CCDC158: variants seen among roughly 807,000 people sequenced by gnomAD.
CCDC158 encodes coiled-coil domain-containing protein 158.
CCDC158 carries 116 observed loss-of-function variants against 138.6 expected under a neutral mutation model. The ratio of observed to expected loss-of-function variants is 0.84; its 90% CI spans 0.72 to 0.98. The LOEUF (loss-of-function observed/expected upper bound fraction) is 0.98. Ranked by LOEUF, CCDC158 falls within the 50% of genes least tolerant of loss-of-function variation. The probability of loss-of-function intolerance (pLI) is 0.00; values close to 1 mark genes in which losing one functional copy is unlikely to be tolerated. For missense variants in CCDC158, 1,265 were observed against 1,306.1 expected, an observed-to-expected ratio of 0.97 and a Z score of 0.48; for synonymous variants, 436 against 442.4, an observed-to-expected ratio of 0.99 and a Z score of 0.18.
chr4:76,413,556 G>A (rs528752962), intron 1 of CCDC158, among the ~76,000 whole-genome samples: 86 of 152,122 alleles, frequency 5.7e-4, no homozygotes, highest in Non-Finnish European at 1.1e-3. Context: ...AGTAAAGAGA[G>A]ACAGAGTTTA....
chr4:76,387,757 A>G lies in CCDC158; in HGVS notation c.289-3092T>C, dbSNP rs1209200007. On this transcript the variant is annotated intron_variant, in intron 4 of 24. Coordinates refer to ENST00000682701, the MANE Select transcript of CCDC158 (RefSeq NM_001394954.1). ...AGAATCATTTGCACCTGGGAGGCAG[A>G]GGTTGTAGTGAGCTGAGATCGCACC... Among the ~76,000 whole-genome samples, 5 of 148,248 alleles carry G rather than the reference A, an allele frequency of 3.4e-5. No homozygotes were observed. In the East Asian group the frequency reaches 1.0e-3, roughly 31 times the overall value.
chr4:76,363,681 C>T (rs1370213004), intron 12 of CCDC158, among the ~76,000 whole-genome samples: 1 of 151,948 alleles, frequency 6.6e-6, no homozygotes, highest in Non-Finnish European at 1.5e-5. Flanking sequence ...GTGAAGTGAG[C>T]TTGGGGTAAG....
intron 18 of CCDC158, among the ~76,000 whole-genome samples, chr4:76,339,616 C>G (rs1442305569): frequency 5.3e-5 from 8 of 152,182 alleles, no homozygotes; most frequent in Admixed American, 6.5e-5. Flanking sequence ...CAGAACTATT[C>G]AAGTCTTTGA....
Position 76,418,143 on chromosome 4 carries a change from C to T in CCDC158, c.-117+2822G>A, listed in dbSNP as rs764025655. 7.7e-4 allele frequency among the ~76,000 whole-genome samples: 117 copies of T among 152,098 alleles called. 1 individual carries two copies. Among genetic ancestry groups the T allele is most frequent in the South Asian group, 4.2e-4 (2 of 4,816 alleles). On this transcript the variant is annotated intron_variant, in intron 1 of 24. Transcript: ENST00000682701. The stretch of plus-strand genomic sequence containing the variant: ...TAATCAAGGGCATATGATCCTCCAG[C>T]GGCTGAGTAGAGAATACACTAGGAG...
intron 9 of CCDC158, chr4:76,375,485 G>C (rs1427991518): frequency 1.5e-6 from 1 of 678,202 alleles, no homozygotes; most frequent in Admixed American, 2.1e-5. Flanking sequence ...GAATCTTCCT[G>C]CACAGTATAT....
chr4:76,401,101 G>A (rs1293327421), intron 3 of CCDC158: 2 of 208,330 alleles, frequency 9.6e-6, no homozygotes, highest in Non-Finnish European at 9.7e-6. Flanking sequence ...CCATTTAAGT[G>A]TTTAAAATCT....
rs190459108 is a variant in CCDC158, at chr4:76,387,694, G to A, written c.289-3029C>T. ...AAAAATTAGCCGGGCGTGGTGGTGC[G>A]CGCCTGTAATCCCAGCTACTCAGGA... is the stretch of plus-strand genomic sequence containing the variant. On this transcript the variant is annotated intron_variant, in intron 4 of 24. Transcript: ENST00000682701. Among the ~76,000 whole-genome samples, 346 of 151,876 alleles carry A rather than the reference G, an allele frequency of 2.3e-3. 6 individuals carry two copies. In the East Asian group the frequency reaches 0.045, roughly 20 times the overall value.
chr4:76,343,829 A>AAACC lies in CCDC158; in HGVS notation c.2664+7163_2664+7166dup, dbSNP rs543963289. Among the ~76,000 whole-genome samples the AAACC allele has an allele frequency of 3.1e-3, 469 of 152,238 alleles. 4 individuals are homozygous for AAACC. Among genetic ancestry groups the AAACC allele is most frequent in the African/African-American group, 0.011 (453 of 41,536 alleles). On this transcript the variant is annotated intron_variant, in intron 18 of 24. Coordinates refer to ENST00000682701, the MANE Select transcript of CCDC158 (RefSeq NM_001394954.1). ...AAACAAAACAAACAAACAAACAAAC[A>AAACC]AACCAGGAAAGTGTTGTATCCATGA...
At chr4:76,421,478 A>G (rs1051239100), upstream of CCDC158, among the ~76,000 whole-genome samples, 2 of 151,992 alleles carry the variant, frequency 1.3e-5, no homozygotes, top group Non-Finnish European at 2.9e-5. Flanking sequence ...CTTCTCCCAC[A>G]GCCTCCTAAC....
intron 2 of CCDC158, among the ~76,000 whole-genome samples, chr4:76,410,504 G>A (rs538462452): frequency 9.2e-5 from 14 of 152,172 alleles, no homozygotes; most frequent in African/African-American, 3.1e-4. Context: ...TTTTGATTGC[G>A]TACAGATGAC....
chr4:76,406,170 AAAC>A (rs1484791760), intron 2 of CCDC158, among the ~76,000 whole-genome samples: 2 of 152,220 alleles, frequency 1.3e-5, no homozygotes, highest in East Asian at 1.9e-4. Flanking sequence ...AGGCAAATGA[AAAC>A]AACAAGAAAG....
chr4:76,335,217 T>C (rs984937177), intron 18 of CCDC158, among the ~76,000 whole-genome samples: 8 of 152,186 alleles, frequency 5.3e-5, no homozygotes, highest in African/African-American at 1.9e-4. Context: ...AATAAAAACA[T>C]TTGTCTCTAA....
At chr4:76,340,009 T>C (rs1721903127) in intron 18 of CCDC158, among the ~76,000 whole-genome samples, 1 of 152,134 alleles carries the variant, frequency 6.6e-6, no homozygotes, top group Admixed American at 6.6e-5. Context: ...GAGATTTCTT[T>C]TAGAAAAAAT....
At chr4:76,329,048 C>T in intron 21 of CCDC158, 81 bp from the exon 22 acceptor site, 1 of 1,094,566 alleles carries the variant, frequency 9.1e-7, no homozygotes, top group Non-Finnish European at 1.4e-6. Context: ...CAAGTGAACA[C>T]AGGCAAATGT....
chr4:76,413,474 CAAA>C (rs560813465), intron 1 of CCDC158, among the ~76,000 whole-genome samples: 19 of 56,302 alleles, frequency 3.4e-4, no homozygotes, highest in Admixed American at 6.1e-4. Context: ...GACCTTGTCT[CAAA>C]AAAAAAAAAA....
In CCDC158 at chr4:76,396,321, A is replaced by G; in HGVS notation, c.236T>C (p.Val79Ala). The part of the protein sequence containing the change: ...PSPGKEHFER[V>A]LEEYSHQVKD... ...GACTTGATGTGAATATTCTTCCAAA[A>G]CACGTTCAAAGTGTTCCTTTCCAGG... The change falls in exon 4 of 25, where the codon GTT (valine) becomes GCT (alanine). Residue 79 changes from valine (V) to alanine (A), a missense_variant. Val to Ala is a moderately conservative substitution (Grantham distance 64, BLOSUM62 0). Transcript: ENST00000682701. The G allele has an allele frequency of 6.2e-7, 1 of 1,613,908 alleles. No homozygotes were observed. Among genetic ancestry groups the G allele is most frequent in the Non-Finnish European group, 8.5e-7 (1 of 1,179,926 alleles).
chr4:76,326,017 T>G lies in CCDC158; in HGVS notation c.3011-2A>C, dbSNP rs1347885520. The G allele has an allele frequency of 6.2e-7, 1 of 1,606,224 alleles. No individual in the cohort carries two copies. Among genetic ancestry groups the G allele is most frequent in the African/African-American group, 1.3e-5 (1 of 74,462 alleles). On this transcript the variant is annotated splice_acceptor_variant, in intron 22 of 24. Coordinates refer to ENST00000682701, the MANE Select transcript of CCDC158 (RefSeq NM_001394954.1). LOFTEE classifies it high-confidence loss of function. ...CTGAGTTTTTCACAGATGGACTTGCTAAAAGTTTGCAAGAATAAAAGTAAA... is the reference window on the plus strand; with the variant it reads ...CTGAGTTTTTCACAGATGGACTTGCGAAAAGTTTGCAAGAATAAAAGTAAA...
intron 18 of CCDC158, among the ~76,000 whole-genome samples, chr4:76,343,078 A>C (rs370403079): frequency 6.6e-6 from 1 of 152,230 alleles, no homozygotes; most frequent in Admixed American, 6.5e-5. Flanking sequence ...AGAGATATCT[A>C]TCTTGTATAG....
chr4:76,329,040 A>C lies in CCDC158; in HGVS notation c.2943-73T>G, dbSNP rs1305742224. 3 of 1,196,492 alleles carry C rather than the reference A, an allele frequency of 2.5e-6. No homozygotes were observed. In the African/African-American group the frequency reaches 4.5e-5, roughly 18 times the overall value. The allele number at this position is 1,196,492 out of a possible 1,614,324, so 74.1% of individuals were successfully genotyped here. ...GTACTAAGATTCATAGATAGAAGCA[A>C]GTGAACACAGGCAAATGTGATGGTT... On this transcript the variant is annotated intron_variant, in intron 21 of 24. Transcript: ENST00000682701.
Sources: gnomAD v4.1 joint callset for allele counts (sites outside exome capture counted in the v4.1 genomes callset) on GRCh38, gnomAD v4.1.1 for gene constraint, MANE v1.5 for transcripts, NCBI Gene and HGNC (gene_info 2026-07-23, HGNC 2026-07-21) for gene names.